Variants in MNAT1 observed in about 807,000 individuals in gnomAD.
MNAT1 encodes the protein MNAT1 component of CDK activating kinase.
Under a neutral mutation model 42.0 loss-of-function variants are expected in MNAT1, and 43 were observed. The ratio of observed to expected loss-of-function variants is 1.02; its 90% confidence interval spans 0.80 to 1.32. The LOEUF (loss-of-function observed/expected upper bound fraction) is 1.32, where lower values mean the gene tolerates loss of function less well. Among genes scored for constraint, MNAT1 ranks in the 40% most tolerant of loss-of-function variants. The pLI, the probability that MNAT1 is intolerant of heterozygous loss-of-function variation, is 0.00. For missense variants in MNAT1, 306 were observed against 350.4 expected, an observed-to-expected ratio of 0.87 and a Z score of 1.01; for synonymous variants, 118 against 120.0, an observed-to-expected ratio of 0.98 and a Z score of 0.11.
intron 7 of MNAT1, among the ~76,000 whole-genome samples, chr14:60,953,857 T>C (rs1490718854): frequency 2.6e-5 from 4 of 152,178 alleles, no homozygotes; most frequent in African/African-American, 9.6e-5. Context: ...GTGATTTTAA[T>C]TTGTTTTGCC....
intron 3 of MNAT1, among the ~76,000 whole-genome samples, chr14:60,799,885 AAGCTGTGGCTC>A (rs1357519529): frequency 6.6e-6 from 1 of 152,092 alleles, no homozygotes; most frequent in African/African-American, 2.4e-5. Flanking sequence ...CAAAATATAG[AAGCTGTGGCTC>A]AGACCATTTA....
intron 2 of MNAT1, 38 bp from the exon 3 acceptor site, chr14:60,798,049 A>G (rs1168559548): frequency 1.0e-6 from 1 of 956,606 alleles, no homozygotes; most frequent in Non-Finnish European, 1.7e-6. Context: ...AAAAGCAATG[A>G]TATGTAATAT....
intron 7 of MNAT1, among the ~76,000 whole-genome samples, chr14:60,940,441 G>A (rs182416973): frequency 1.6e-4 from 25 of 152,268 alleles, no homozygotes; most frequent in African/African-American, 5.1e-4. Context: ...GTTTTGAGAC[G>A]GATTTTCGCT....
chr14:60,780,199 T>G lies in MNAT1; in HGVS notation c.90-16018T>G, dbSNP rs1359340729. 5.4e-6 allele frequency: 8 copies of G among 1,480,678 alleles called. No individual in the cohort carries two copies. The East Asian group carries it at 1.4e-4, about 25-fold the overall frequency. The allele number at this position is 1,480,678 out of a possible 1,614,324, so 91.7% of individuals were successfully genotyped here. A position where few individuals can be genotyped will look rare whatever the true frequency, so the allele number is the denominator to read the frequency against. On this transcript the variant is annotated intron_variant, in intron 1 of 7. Transcript: ENST00000261245. ...ATAATGTGGTGGAACAACTAAAAGATTGGTTATACAAGTGTTCAGTTCAGA... is the reference window on the plus strand; with the variant it reads ...ATAATGTGGTGGAACAACTAAAAGAGTGGTTATACAAGTGTTCAGTTCAGA...
chr14:60,847,319 G>T (rs1231815336), intron 6 of MNAT1, among the ~76,000 whole-genome samples: 2 of 151,378 alleles, frequency 1.3e-5, no homozygotes, highest in Admixed American at 1.3e-4. Context: ...CAGGAGAATG[G>T]CATGAACCCA....
intron 7 of MNAT1, among the ~76,000 whole-genome samples, chr14:60,939,883 C>G (rs1407954088): frequency 6.6e-6 from 1 of 152,076 alleles, no homozygotes; most frequent in African/African-American, 2.4e-5. Flanking sequence ...CTTTGTAGGT[C>G]TCTAAGGACG....
intron 7 of MNAT1, among the ~76,000 whole-genome samples, chr14:60,904,419 C>T (rs947029881): frequency 3.3e-5 from 5 of 151,996 alleles, no homozygotes; most frequent in Non-Finnish European, 7.4e-5. Context: ...GAAATGAACT[C>T]ACATATCTAA....
intron 6 of MNAT1, among the ~76,000 whole-genome samples, chr14:60,831,158 T>TTGGGATACATGTGGAGGTACA (rs2033203121): frequency 6.6e-6 from 1 of 151,896 alleles, no homozygotes; most frequent in Non-Finnish European, 1.5e-5. Context: ...AGGTTTGTTC[T>TTGGGATACATGTGGAGGTACA]TGGGATACAT....
At chr14:60,869,040 A>ATATATTT (rs1465360826) in intron 6 of MNAT1, among the ~76,000 whole-genome samples, 1 of 113,026 alleles carries the variant, frequency 8.8e-6, no homozygotes, top group Non-Finnish European at 1.8e-5. Context: ...ATATATATAT[A>ATATATTT]TTTTTTTTTT....
At chr14:60,892,430 C>G (rs962508631) in intron 7 of MNAT1, among the ~76,000 whole-genome samples, 1 of 152,040 alleles carries the variant, frequency 6.6e-6, no homozygotes, top group Non-Finnish European at 1.5e-5. Context: ...TGTTACTATT[C>G]GCATGGAATA....
chr14:60,954,487 TGTTTGTTTTG>T (rs1245430573), intron 7 of MNAT1, among the ~76,000 whole-genome samples: 7 of 152,266 alleles, frequency 4.6e-5, no homozygotes, highest in Admixed American at 4.6e-4. Context: ...GTTTTGTTTT[TGTTTGTTTTG>T]GTAGCTATTG....
chr14:60,872,551 C>G (rs1328410190), intron 6 of MNAT1, among the ~76,000 whole-genome samples: 2 of 151,976 alleles, frequency 1.3e-5, no homozygotes, highest in Non-Finnish European at 2.9e-5. Context: ...CATTATTACT[C>G]AGATCTAGAC....
In MNAT1 at chr14:60,887,519, T is replaced by A. The variant is rs369095168; in HGVS notation, c.809+7684T>A. ...TGTCCTTGCGATAGTTTACTGAGAATGATGATTTCCAGTTTCATCCATGTC... is the reference window on the plus strand; with the variant it reads ...TGTCCTTGCGATAGTTTACTGAGAAAGATGATTTCCAGTTTCATCCATGTC... On this transcript the variant is annotated intron_variant, in intron 7 of 7. Coordinates refer to ENST00000261245, the MANE Select transcript of MNAT1 (RefSeq NM_002431.4). Among the ~76,000 whole-genome samples, 264 of 151,332 alleles carry A rather than the reference T, an allele frequency of 1.7e-3. No homozygotes were observed. The East Asian group carries it at 0.028, about 16-fold the overall frequency.
chr14:60,913,979 C>G (rs1413501105), intron 7 of MNAT1, among the ~76,000 whole-genome samples: 4 of 152,220 alleles, frequency 2.6e-5, no homozygotes, highest in Admixed American at 2.0e-4. Context: ...CCACGCAGTT[C>G]GAGCTTCCTG....
chr14:60,798,009 T>C, intron 2 of MNAT1, 78 bp from the exon 3 acceptor site: 1 of 686,174 alleles, frequency 1.5e-6, no homozygotes, highest in Non-Finnish European at 2.6e-6. Context: ...ATGAATTAGG[T>C]CAGAACAAGC....
intron 6 of MNAT1, 123 bp from the exon 7 acceptor site, chr14:60,879,591 C>A: frequency 1.1e-6 from 1 of 901,474 alleles, no homozygotes; most frequent in Non-Finnish European, 1.6e-6. Flanking sequence ...ACCCATGGAA[C>A]AGCACAACTA....
chr14:60,804,137 G>A (rs887620232), intron 3 of MNAT1, among the ~76,000 whole-genome samples: 3 of 152,156 alleles, frequency 2.0e-5, no homozygotes, highest in Admixed American at 6.5e-5. Context: ...AAAATTGTAC[G>A]TGAATAACAT....
At chr14:60,930,173 G>C (rs921276891) in intron 7 of MNAT1, among the ~76,000 whole-genome samples, 1 of 149,578 alleles carries the variant, frequency 6.7e-6, no homozygotes, top group Non-Finnish European at 1.5e-5. Context: ...ATCCTCCTTC[G>C]AGATCTTTAT....
At chr14:60,953,429 T>C (rs966777375) in intron 7 of MNAT1, among the ~76,000 whole-genome samples, 6 of 152,100 alleles carry the variant, frequency 3.9e-5, no homozygotes, top group African/African-American at 1.2e-4. Context: ...ATTGTTGGAA[T>C]AGACGTAGGA....
Sources: gnomAD v4.1 joint callset for allele counts (sites outside exome capture counted in the v4.1 genomes callset) on GRCh38, gnomAD v4.1.1 for gene constraint, MANE v1.5 for transcripts, NCBI Gene and HGNC (gene_info 2026-07-23, HGNC 2026-07-21) for gene names.